The following CLIC5 variants were observed in gnomAD, a reference collection of about 807,000 sequenced individuals.
CLIC5 encodes the protein CLIC family member 5.
CLIC5 carries 20 observed loss-of-function variants against 24.7 expected under a neutral mutation model. The ratio of observed to expected loss-of-function variants is 0.81; its 90% CI spans 0.57 to 1.18. The LOEUF (loss-of-function observed/expected upper bound fraction) is 1.18, where lower values mean the gene tolerates loss of function less well. Ranked by LOEUF, CLIC5 falls within the 50% of genes most tolerant of loss-of-function variation. CLIC5 has a pLI of 0.00. For missense variants in CLIC5, 341 were observed against 326.1 expected, an observed-to-expected ratio of 1.05 and a Z score of -0.35; for synonymous variants, 159 against 135.6, an observed-to-expected ratio of 1.17 and a Z score of -1.20.
intron 4 of CLIC5, 182 bp from the exon 5 acceptor site, chr6:45,914,591 C>T (rs1762949632): frequency 8.5e-7 from 1 of 1,181,464 alleles, no homozygotes; most frequent in Non-Finnish European, 1.1e-6. Flanking sequence ...ACTAAATAGG[C>T]TGAAAAGGCA....
intron 1 of CLIC5, among the ~76,000 whole-genome samples, chr6:46,052,850 C>A (rs1768143126): frequency 6.6e-6 from 1 of 151,982 alleles, no homozygotes; most frequent in African/African-American, 2.4e-5. Flanking sequence ...TAAAGACTTT[C>A]TCTTTCTGGC....
chr6:45,918,910 T>TG lies in CLIC5; in HGVS notation c.407-4502dup, dbSNP rs965164624. 1.1e-5 allele frequency: 11 copies of TG among 975,082 alleles called. No homozygotes were observed. In the African/African-American group the frequency reaches 1.9e-4, roughly 17 times the overall value. The allele number at this position is 975,082 out of a possible 1,614,324, so 60.4% of individuals were successfully genotyped here. ...ATATTATTCATCGTCATTCAACAGA[T>TG]GAAGAAACTGAGTCTTAGACTTACC... On this transcript the variant is annotated intron_variant, in intron 4 of 5. Coordinates refer to ENST00000339561, the MANE Select transcript of CLIC5 (RefSeq NM_016929.5).
At chr6:45,917,118 G>T (rs1487468019) in intron 4 of CLIC5, among the ~76,000 whole-genome samples, 2 of 152,284 alleles carry the variant, frequency 1.3e-5, no homozygotes, top group Non-Finnish European at 2.9e-5. Context: ...GGTACTTATT[G>T]TATTGCCTTA....
intron 5 of CLIC5, among the ~76,000 whole-genome samples, chr6:45,913,342 G>A (rs1463291855): frequency 1.3e-5 from 2 of 152,208 alleles, no homozygotes; most frequent in African/African-American, 4.8e-5. Flanking sequence ...ACAGAGCTTA[G>A]GGGGATACAA....
chr6:45,992,501 A>G (rs564853731), intron 1 of CLIC5, among the ~76,000 whole-genome samples: 4 of 152,248 alleles, frequency 2.6e-5, no homozygotes, highest in Non-Finnish European at 1.5e-5. Context: ...AATTTTAGAA[A>G]GACCACAGAA....
chr6:45,891,076 C>G (rs116639172), intron 6 of CLIC5, among the ~76,000 whole-genome samples: 1 of 152,146 alleles, frequency 6.6e-6, no homozygotes, highest in Non-Finnish European at 1.5e-5. Context: ...GGATTTTAAG[C>G]ATTTTCACCA....
chr6:45,974,483 C>CTGTG lies in CLIC5; in HGVS notation c.64-19243_64-19240dup, dbSNP rs754615455. Among the ~76,000 whole-genome samples, 73 of 80,430 alleles carry CTGTG rather than the reference C, an allele frequency of 9.1e-4. 1 individual carries two copies. Among genetic ancestry groups the CTGTG allele is most frequent in the South Asian group, 1.8e-3 (4 of 2,200 alleles). 52.8% of individuals were successfully genotyped at this position (80,430 alleles called of 152,430 possible). A position where few individuals can be genotyped will look rare whatever the true frequency, so the allele number is the denominator to read the frequency against. ...ATGTCTTGGGAAGCAGTGTTTACTACTGTGTGTGTGTGTGTATATATATAT... is the reference window on the plus strand; with the variant it reads ...ATGTCTTGGGAAGCAGTGTTTACTACTGTGTGTGTGTGTGTGTGTATATATATAT... On this transcript the variant is annotated intron_variant, in intron 1 of 5. Transcript: ENST00000339561.
chr6:45,970,927 T>C (rs889984677), intron 1 of CLIC5, among the ~76,000 whole-genome samples: 2 of 152,198 alleles, frequency 1.3e-5, no homozygotes, highest in Non-Finnish European at 2.9e-5. Flanking sequence ...GAGTCAGAGG[T>C]GATCCCTGCT....
intron 1 of CLIC5, among the ~76,000 whole-genome samples, chr6:46,042,747 A>G (rs1018724637): frequency 1.2e-4 from 19 of 152,344 alleles, no homozygotes; most frequent in African/African-American, 4.6e-4. Context: ...GACATGGAGT[A>G]TTGAGTCTCG....
chr6:46,045,168 T>C (rs1767920095), intron 1 of CLIC5, among the ~76,000 whole-genome samples: 1 of 152,188 alleles, frequency 6.6e-6, no homozygotes, highest in Non-Finnish European at 1.5e-5. Context: ...ATTAGCTTCC[T>C]CTTTTTAATA....
chr6:45,925,801 T>G (rs1486450267), intron 4 of CLIC5, among the ~76,000 whole-genome samples: 1 of 152,186 alleles, frequency 6.6e-6, no homozygotes, highest in African/African-American at 2.4e-5. Flanking sequence ...TTTCTTTGTA[T>G]AATAGTAGCC....
the CLIC5 span, among the ~76,000 whole-genome samples, chr6:46,089,530 T>C: frequency 2.6e-5 from 4 of 152,148 alleles, no homozygotes; most frequent in African/African-American, 9.7e-5. Flanking sequence ...TTTCCCTGCC[T>C]GGATACTCAC....
chr6:46,085,417 G>T, the CLIC5 span, among the ~76,000 whole-genome samples: 176 of 152,204 alleles, frequency 1.2e-3, 1 homozygote, highest in African/African-American at 3.9e-3. Context: ...ATCTACTTTT[G>T]GTCTTTGATG....
intron 5 of CLIC5, among the ~76,000 whole-genome samples, chr6:45,906,055 G>C (rs373283913): frequency 3.3e-5 from 5 of 152,216 alleles, no homozygotes; most frequent in East Asian, 3.9e-4. Context: ...TCTCTTTTCT[G>C]TTCCATTCAT....
intron 4 of CLIC5, among the ~76,000 whole-genome samples, chr6:45,936,448 G>T (rs527901640): frequency 6.6e-6 from 1 of 151,938 alleles, no homozygotes; most frequent in Non-Finnish European, 1.5e-5. Context: ...CCGGTCATCT[G>T]CCTGCCTTGG....
At chr6:46,084,933 T>A (rs1762999622), upstream of CLIC5, among the ~76,000 whole-genome samples, 1 of 152,218 alleles carries the variant, frequency 6.6e-6, no homozygotes, top group Admixed American at 6.5e-5. Context: ...GATTTGGTCT[T>A]TTCACATAGT....
chr6:46,120,994 T>G, the CLIC5 span, among the ~76,000 whole-genome samples: 1 of 152,160 alleles, frequency 6.6e-6, no homozygotes, highest in Admixed American at 6.5e-5. Context: ...GGAACCAAGT[T>G]GGAAAACACT....
intron 2 of CLIC5, among the ~76,000 whole-genome samples, chr6:45,951,198 C>T (rs968717437): frequency 1.3e-5 from 2 of 152,134 alleles, no homozygotes; most frequent in African/African-American, 4.8e-5. Flanking sequence ...GGGTCAGACA[C>T]TTAAAGAAAT....
chr6:46,046,581 T>G (rs1767959309), intron 1 of CLIC5, among the ~76,000 whole-genome samples: 1 of 152,250 alleles, frequency 6.6e-6, no homozygotes, highest in African/African-American at 2.4e-5. Context: ...ATCATTCATG[T>G]GAAACTTGCT....
Sources: gnomAD v4.1 joint callset for allele counts (sites outside exome capture counted in the v4.1 genomes callset) on GRCh38, gnomAD v4.1.1 for gene constraint, MANE v1.5 for transcripts, NCBI Gene and HGNC (gene_info 2026-07-23, HGNC 2026-07-21) for gene names.